Variants in VSIG10 observed in about 807,000 individuals in gnomAD.
VSIG10 encodes the protein V-set and immunoglobulin domain-containing protein 10.
A neutral mutation model predicts 58.7 loss-of-function variants in VSIG10; 48 were observed. The observed-to-expected ratio is 0.82, with a 90% CI of 0.65 to 1.04. VSIG10 has a LOEUF of 1.04. VSIG10 is among the 50% of genes least tolerant of loss of function. VSIG10 has a pLI of 0.00. For missense variants in VSIG10, 628 were observed against 670.0 expected, an observed-to-expected ratio of 0.94 and a Z score of 0.69; for synonymous variants, 260 against 267.1, an observed-to-expected ratio of 0.97 and a Z score of 0.26.
chr12:118,066,922 C>T (rs937420288), intron 8 of VSIG10, among the ~76,000 whole-genome samples: 1 of 152,054 alleles, frequency 6.6e-6, no homozygotes, highest in Non-Finnish European at 1.5e-5. Flanking sequence ...TCAGCTCACG[C>T]CCCTCCCCTC....
chr12:118,088,068 AC>A (rs1387250120), intron 2 of VSIG10, among the ~76,000 whole-genome samples: 11 of 151,748 alleles, frequency 7.2e-5, no homozygotes, highest in African/African-American at 2.7e-4. Context: ...ACATGGTGAA[AC>A]CCCGTCTCTA....
At chr12:118,087,855 A>AAAAGAG (rs766337791) in intron 2 of VSIG10, among the ~76,000 whole-genome samples, 4 of 131,308 alleles carry the variant, frequency 3.0e-5, no homozygotes, top group African/African-American at 5.3e-5. Context: ...AAAAAAAAAA[A>AAAAGAG]AGAGAGAGAA....
Position 118,079,477 on chromosome 12 carries a change from A to G in VSIG10, c.794T>C (p.Val265Ala), listed in dbSNP as rs1221501943. Residue 265 changes from valine (V) to alanine (A), a missense_variant, in exon 4 of 9, where the codon GTA becomes GCA. Physicochemically the swap from Val to Ala is moderately conservative, Grantham distance 64. Transcript: ENST00000359236. ...DFLWIEEPGGVIVGKSKLGVE... is the reference protein window; with the variant it reads ...DFLWIEEPGGAIVGKSKLGVE... ...CCCCAGCTTTGACTTCCCCACGATT[A>G]CACCTCCTGGCTCTTCTATCCACAG... 3 of 1,613,846 alleles carry G rather than the reference A, an allele frequency of 1.9e-6. No individual in the cohort carries two copies. Among genetic ancestry groups the G allele is most frequent in the Non-Finnish European group, 2.5e-6 (3 of 1,179,894 alleles).
intron 2 of VSIG10, among the ~76,000 whole-genome samples, chr12:118,084,608 G>A (rs1199212831): frequency 6.6e-6 from 1 of 152,042 alleles, no homozygotes; most frequent in Non-Finnish European, 1.5e-5. Flanking sequence ...GGCCAGGCAC[G>A]GTGGCTCATC....
chr12:118,098,010 A>G (rs1289774050), intron 1 of VSIG10, among the ~76,000 whole-genome samples: 1 of 152,250 alleles, frequency 6.6e-6, no homozygotes, highest in East Asian at 1.9e-4. Flanking sequence ...GCCTTCAGCT[A>G]GTCATCGATC....
rs555189806 is a variant in VSIG10 at position 118,100,369 on chromosome 12, C to T, written c.79+3224G>A. Among the ~76,000 whole-genome samples the T allele has an allele frequency of 3.3e-5, 5 of 152,204 alleles. No individual in the cohort carries two copies. In the South Asian group the frequency reaches 1.0e-3, roughly 32 times the overall value. ...AAAGTTAGCCGGGCGTGGTGGCGCA[C>T]ACCTGTAATCCCACCTACTCGGGAG... is the stretch of plus-strand genomic sequence containing the variant. On this transcript the variant is annotated intron_variant, in intron 1 of 8. Transcript: ENST00000359236.
chr12:118,102,951 T>C (rs2033657517), intron 1 of VSIG10: 1 of 152,238 alleles, frequency 6.6e-6, no homozygotes, highest in Non-Finnish European at 1.5e-5. Flanking sequence ...CAATTCTTTT[T>C]TCGTAGCAAA....
chr12:118,064,879 G>T lies in VSIG10; in HGVS notation c.*1760C>A, dbSNP rs1272279013. The T allele has an allele frequency of 3.9e-5, 6 of 152,178 alleles. No homozygotes were observed. The highest frequency in any genetic ancestry group is 7.3e-5 in the Non-Finnish European group (5 of 68,070). 9.4% of individuals were successfully genotyped at this position (152,178 alleles called of 1,614,324 possible). A position where few individuals can be genotyped will look rare whatever the true frequency, so the allele number is the denominator to read the frequency against. On this transcript the variant is annotated 3_prime_UTR_variant, in exon 9 of 9. Transcript: ENST00000359236. ...ACCAGCTTCTCATTTTAGAGTCCCA[G>T]TTCCTAGAATTGGAGAAAGGAAGTT...
intron 4 of VSIG10, among the ~76,000 whole-genome samples, chr12:118,077,097 T>C (rs2032758226): frequency 6.6e-6 from 1 of 152,200 alleles, no homozygotes; most frequent in Non-Finnish European, 1.5e-5. Context: ...GGGTTTGGAC[T>C]TGAACATATC....
intron 8 of VSIG10, 28 bp from the exon 9 acceptor site, chr12:118,066,722 T>G (rs1173873463): frequency 2.6e-6 from 4 of 1,564,906 alleles, no homozygotes; most frequent in Admixed American, 3.7e-5. Context: ...AACCCAATGC[T>G]TTGTAATCAG....
chr12:118,073,788 C>T lies in VSIG10; in HGVS notation c.1130G>A (p.Cys377Tyr). The T allele has an allele frequency of 6.2e-7, 1 of 1,613,952 alleles. No individual in the cohort carries two copies. Among genetic ancestry groups the T allele is most frequent in the East Asian group, 2.2e-5 (1 of 44,876 alleles). The stretch of plus-strand genomic sequence containing the variant: ...GTAGCCCTCATCCAGGTCCTGGGAG[C>T]AGTTGTGGATAGTGAGGGTGGAGTT... ...GQNSTLTIHNCSQDLDEGYYI... is the reference protein window; with the variant it reads ...GQNSTLTIHNYSQDLDEGYYI... The change falls in exon 5 of 9, where the codon TGC becomes TAC. Residue 377 changes from cysteine to tyrosine, a missense_variant. Cys to Tyr is a radical substitution (Grantham distance 194). Transcript: ENST00000359236.
chr12:118,083,503 G>A (rs1463363562), intron 2 of VSIG10, among the ~76,000 whole-genome samples: 4 of 151,976 alleles, frequency 2.6e-5, no homozygotes. Context: ...GCTTGAACCT[G>A]GGAGGAAGAG....
chr12:118,087,837 C>CAAAAAAAAAAAA (rs10654315), intron 2 of VSIG10, among the ~76,000 whole-genome samples: 1 of 62,596 alleles, frequency 1.6e-5, no homozygotes, highest in Non-Finnish European at 3.1e-5. Context: ...GATCCTGTCT[C>CAAAAAAAAAAAA]AAAAAAAAAA....
At chr12:118,085,453 A>G (rs2033093633) in intron 2 of VSIG10, among the ~76,000 whole-genome samples, 1 of 152,222 alleles carries the variant, frequency 6.6e-6, no homozygotes, top group Non-Finnish European at 1.5e-5. Context: ...ACACAGGGAG[A>G]GCCTGGCACT....
In VSIG10 at chr12:118,079,458, C is replaced by G; in HGVS notation, c.813G>C (p.Lys271Asn). Residue 271 changes from lysine to asparagine, a missense_variant, in exon 4 of 9, where the codon AAG (lysine) becomes AAC (asparagine). Transcript: ENST00000359236. ...ACTCGCTCAGCATTTCCACCCCCAGCTTTGACTTCCCCACGATTACACCTC... is the reference window on the plus strand; with the variant it reads ...ACTCGCTCAGCATTTCCACCCCCAGGTTTGACTTCCCCACGATTACACCTC... The part of the protein sequence containing the change: ...EPGGVIVGKS[K>N]LGVEMLSESQ... 6.2e-7 allele frequency: 1 copy of G among 1,614,044 alleles called. No homozygotes were observed. The highest frequency in any genetic ancestry group is 8.5e-7 in the Non-Finnish European group (1 of 1,179,900).
intron 4 of VSIG10, among the ~76,000 whole-genome samples, chr12:118,077,291 A>G (rs1348499142): frequency 1.3e-5 from 2 of 152,128 alleles, no homozygotes; most frequent in African/African-American, 4.8e-5. Flanking sequence ...TCACCTAGCC[A>G]GCTCCTTCTC....
intron 2 of VSIG10, among the ~76,000 whole-genome samples, chr12:118,086,326 G>A (rs1298495585): frequency 6.6e-6 from 1 of 151,892 alleles, no homozygotes; most frequent in Non-Finnish European, 1.5e-5. Context: ...AAATTATTCA[G>A]GCGTGGTAGT....
chr12:118,076,668 T>G (rs2032740679), intron 4 of VSIG10, among the ~76,000 whole-genome samples: 1 of 148,022 alleles, frequency 6.8e-6, no homozygotes, highest in South Asian at 2.2e-4. Flanking sequence ...TCTCTTACCT[T>G]TCCCTTTTTT....
intron 2 of VSIG10, among the ~76,000 whole-genome samples, chr12:118,091,216 G>A (rs2033285455): frequency 6.6e-6 from 1 of 152,150 alleles, no homozygotes; most frequent in Non-Finnish European, 1.5e-5. Context: ...TCAGGGGCTG[G>A]GTACGGTGGC....
Sources: allele counts gnomAD v4.1 joint callset (sites outside exome capture counted in the v4.1 genomes callset), GRCh38; gene constraint gnomAD v4.1.1; transcripts MANE v1.5; gene names NCBI Gene and HGNC (gene_info 2026-07-23, HGNC 2026-07-21).